Variants in RWDD2B observed in about 807,000 individuals in gnomAD.
RWDD2B encodes RWD domain containing 2B, also known as RWD domain-containing protein 2B.
RWDD2B carries 36 observed loss-of-function variants against 33.6 expected under a neutral mutation model. The observed-to-expected ratio is 1.07, with a 90% CI of 0.82 to 1.42. The LOEUF (loss-of-function observed/expected upper bound fraction) is 1.42. Among genes scored for constraint, RWDD2B ranks in the 40% most tolerant of loss-of-function variants. The probability of loss-of-function intolerance (pLI) is 0.00; values close to 1 mark genes in which losing one functional copy is unlikely to be tolerated. For missense variants in RWDD2B, 364 were observed against 377.5 expected (o/e 0.96, Z 0.30); for synonymous variants, 126 against 133.1 (o/e 0.95, Z 0.37).
intron 1 of RWDD2B, among the ~76,000 whole-genome samples, chr21:29,011,342 C>A (rs1433842030): frequency 6.8e-6 from 1 of 146,102 alleles, no homozygotes; most frequent in Admixed American, 6.7e-5. Context: ...ATGCGAGGAG[C>A]GTCTCTGCCC....
In RWDD2B at chr21:29,011,349, G is replaced by A. The variant is rs567123397; in HGVS notation, c.68-2728C>T. Among the ~76,000 whole-genome samples the A allele has an allele frequency of 5.4e-4, 79 of 146,130 alleles. 1 individual carries two copies. The highest frequency in any genetic ancestry group is 1.9e-3 in the African/African-American group (75 of 38,922). On this transcript the variant is annotated intron_variant, in intron 1 of 4. Transcript: ENST00000493196. Reference sequence around the variant, plus strand: ...CGTCCGGGATGCGAGGAGCGTCTCTGCCCGGCCACCCGGTCTGAGAAGTGA... The same window carrying A: ...CGTCCGGGATGCGAGGAGCGTCTCTACCCGGCCACCCGGTCTGAGAAGTGA...
At position 29,008,010 on chromosome 21, in the gene RWDD2B, C is replaced by G. The variant is rs776451573; in HGVS notation, c.476G>C (p.Arg159Thr). 2.5e-6 allele frequency: 4 copies of G among 1,614,232 alleles called. No individual in the cohort carries two copies. In the South Asian group the frequency reaches 4.4e-5, roughly 18 times the overall value. Residue 159 changes from arginine to threonine, a missense_variant, in exon 4 of 5, where the codon AGA (arginine) becomes ACA (threonine). Transcript: ENST00000493196. ...GCTGACATAGCCAGAGGCGTGTTCTCTAACCCACTCTGTGGCATTCAGTAT... is the reference window on the plus strand; with the variant it reads ...GCTGACATAGCCAGAGGCGTGTTCTGTAACCCACTCTGTGGCATTCAGTAT... ...VCILNATEWV[R>T]EHASGYVSRD...
chr21:29,013,571 C>G (rs997353827), intron 1 of RWDD2B, among the ~76,000 whole-genome samples: 3 of 151,818 alleles, frequency 2.0e-5, no homozygotes, highest in Non-Finnish European at 2.9e-5. Flanking sequence ...CGCCTGTAGT[C>G]CCAGCTACTC....
In RWDD2B at chr21:29,008,287, A is replaced by G. The variant is rs1299751024; in HGVS notation, c.315T>C (p.Cys105=). The change falls in exon 3 of 5, where the codon TGT becomes TGC. Residue 105 remains cysteine, a synonymous_variant. Transcript: ENST00000493196. The part of the protein sequence containing the change: ...DEKMAMFSLA[C]ILPFKYPAVL... ...CTGCCGGGTATTTAAAGGGAAGAAT[A>G]CAGGCCAGAGAAAACATCGCCTGAT... The G allele has an allele frequency of 3.1e-6, 5 of 1,614,118 alleles. No homozygotes were observed. Among genetic ancestry groups the G allele is most frequent in the Non-Finnish European group, 4.2e-6 (5 of 1,180,028 alleles).
In RWDD2B at chr21:29,006,661, A is replaced by G. The variant is rs1314510927; in HGVS notation, c.726-10T>C. 1 of 1,524,048 alleles carries G rather than the reference A, an allele frequency of 6.6e-7. No homozygotes were observed. Among genetic ancestry groups the G allele is most frequent in the Admixed American group, 1.8e-5 (1 of 55,278 alleles). The allele number at this position is 1,524,048 out of a possible 1,614,324, so 94.4% of individuals were successfully genotyped here. A position where few individuals can be genotyped will look rare whatever the true frequency, so the allele number is the denominator to read the frequency against. ...GTTTAATTTTCTGAGTCTGAAAAGAAATTTCCAAAGTAAACATTTTCAAAA... is the reference window on the plus strand; with the variant it reads ...GTTTAATTTTCTGAGTCTGAAAAGAGATTTCCAAAGTAAACATTTTCAAAA... On this transcript the variant is annotated splice_polypyrimidine_tract_variant and intron_variant, in intron 4 of 4. Coordinates refer to ENST00000493196, the MANE Select transcript of RWDD2B (RefSeq NM_016940.3).
chr21:29,007,878 C>T lies in RWDD2B; in HGVS notation c.608G>A (p.Arg203Lys). The change falls in exon 4 of 5, where the codon AGA becomes AAA. Residue 203 changes from arginine to lysine, a missense_variant. Transcript: ENST00000493196. ...CTTTGCCCACTCTAGAATATTCTTT[C>T]TTTTGCATTTGTTATAGATATGATG... Reference protein sequence around the residue: ...YSHHIYNKCKRKNILEWAKEL... With the variant: ...YSHHIYNKCKKKNILEWAKEL... The T allele has an allele frequency of 6.2e-7, 1 of 1,614,212 alleles. No individual in the cohort carries two copies. The highest frequency in any genetic ancestry group is 8.5e-7 in the Non-Finnish European group (1 of 1,180,030).
intron 1 of RWDD2B, among the ~76,000 whole-genome samples, chr21:29,016,414 G>C (rs1038145476): frequency 1.3e-5 from 2 of 152,060 alleles, no homozygotes; most frequent in African/African-American, 4.8e-5. Flanking sequence ...ACAGGCATGC[G>C]CCACCACACC....
At chr21:29,017,958 GT>G (rs1405398634) in intron 1 of RWDD2B, among the ~76,000 whole-genome samples, 8 of 152,220 alleles carry the variant, frequency 5.3e-5, no homozygotes, top group African/African-American at 1.9e-4. Context: ...GTTGGGACTA[GT>G]AAAGCATGGC....
At chr21:29,008,365 T>C (rs750628778) in intron 2 of RWDD2B, 30 bp downstream of exon 2, 1 of 1,612,520 alleles carries the variant, frequency 6.2e-7, no homozygotes, top group Non-Finnish European at 8.5e-7. Flanking sequence ...TCAACATGTT[T>C]CAATCCCTCT....
chr21:29,014,229 C>T (rs939356324), intron 1 of RWDD2B, among the ~76,000 whole-genome samples: 1 of 152,176 alleles, frequency 6.6e-6, no homozygotes, highest in Non-Finnish European at 1.5e-5. Context: ...GGGCCAAATG[C>T]ATGCTTTTAT....
intron 1 of RWDD2B, among the ~76,000 whole-genome samples, chr21:29,015,273 C>A (rs1458654839): frequency 7.0e-6 from 1 of 142,814 alleles, no homozygotes; most frequent in Non-Finnish European, 1.5e-5. Flanking sequence ...CTTTGTCACC[C>A]AGGCTGGAGT....
intron 1 of RWDD2B, among the ~76,000 whole-genome samples, chr21:29,011,526 G>A (rs1313465668): frequency 1.4e-5 from 2 of 145,434 alleles, no homozygotes. Context: ...CACCTCGTCC[G>A]GAAGGGAGGT....
intron 4 of RWDD2B, 40 bp downstream of exon 4, chr21:29,007,721 C>G: frequency 1.3e-6 from 2 of 1,577,246 alleles, no homozygotes; most frequent in East Asian, 4.5e-5. Flanking sequence ...TTAGTATTAA[C>G]ATTATTGACA....
chr21:29,007,738 C>T, intron 4 of RWDD2B, 23 bp downstream of exon 4: 2 of 1,599,308 alleles, frequency 1.3e-6, no homozygotes, highest in Non-Finnish European at 1.7e-6. Flanking sequence ...GACATGACTT[C>T]ATATACATAT....
At chr21:29,011,038 C>A (rs1375036210) in intron 1 of RWDD2B, among the ~76,000 whole-genome samples, 1 of 152,112 alleles carries the variant, frequency 6.6e-6, no homozygotes, top group Non-Finnish European at 1.5e-5. Context: ...CTCCCAGCAG[C>A]CTGCCTTGGC....
At chr21:29,017,898 G>A (rs913378450) in intron 1 of RWDD2B, among the ~76,000 whole-genome samples, 6 of 152,232 alleles carry the variant, frequency 3.9e-5, no homozygotes, top group African/African-American at 1.4e-4. Flanking sequence ...ACAGTGAGCT[G>A]AGGACACGGG....
intron 4 of RWDD2B, among the ~76,000 whole-genome samples, chr21:29,007,489 C>G (rs1304152888): frequency 3.3e-5 from 5 of 152,182 alleles, no homozygotes; most frequent in Non-Finnish European, 5.9e-5. Flanking sequence ...TGTACTTACA[C>G]AAACCTAGAT....
At position 29,008,558 on chromosome 21, in the gene RWDD2B, T is replaced by A; in HGVS notation, c.131A>T (p.Asp44Val). 6.2e-7 allele frequency: 1 copy of A among 1,614,078 alleles called. No individual in the cohort carries two copies. Among genetic ancestry groups the A allele is most frequent in the Non-Finnish European group, 8.5e-7 (1 of 1,180,024 alleles). ...ACCAGGGAACATACTGGCTAGCAGG[T>A]CTAACTCAGCAAGCTGGGCCTCCGC... is the stretch of plus-strand genomic sequence containing the variant. ...EQAEAQLAEL[D>V]LLASMFPGEN... Residue 44 changes from aspartate to valine, a missense_variant, in exon 2 of 5, where the codon GAC (aspartate) becomes GTC (valine). By Grantham distance (152) the Asp-to-Val change is radical. Coordinates refer to ENST00000493196, the MANE Select transcript of RWDD2B (RefSeq NM_016940.3).
At chr21:29,008,690 T>G (rs1245149102) in intron 1 of RWDD2B, 69 bp from the exon 2 acceptor site, 1 of 953,254 alleles carries the variant, frequency 1.0e-6, no homozygotes, top group Non-Finnish European at 1.6e-6. Context: ...CATCAACATG[T>G]GTACTTACTA....
Sources: gnomAD v4.1 joint callset for allele counts (sites outside exome capture counted in the v4.1 genomes callset) on GRCh38, gnomAD v4.1.1 for gene constraint, MANE v1.5 for transcripts, NCBI Gene and HGNC (gene_info 2026-07-23, HGNC 2026-07-21) for gene names.